The following ITGAL variants were observed in gnomAD, a reference collection of about 807,000 sequenced individuals.
ITGAL encodes the protein integrin alpha-L.
ITGAL carries 68 observed loss-of-function variants against 138.4 expected under a neutral mutation model. That is an observed-to-expected ratio of 0.49 (90% confidence interval 0.40 to 0.60). ITGAL has a LOEUF of 0.60. Among genes scored for constraint, ITGAL ranks in the 20% least tolerant of loss-of-function variants. The probability of loss-of-function intolerance (pLI) is 0.00; values close to 1 mark genes in which losing one functional copy is unlikely to be tolerated. For synonymous variants in ITGAL, 561 were observed against 584.3 expected (o/e 0.96, Z 0.57); for missense variants, 1,256 against 1,478.6 (o/e 0.85, Z 2.47).
chr16:30,503,049 A>G (rs937170893), intron 17 of ITGAL, among the ~76,000 whole-genome samples: 1 of 152,010 alleles, frequency 6.6e-6, no homozygotes, highest in African/African-American at 2.4e-5. Context: ...TCCTGACCTC[A>G]GGTGATCCAC....
chr16:30,481,261 G>A (rs1280314098), intron 6 of ITGAL, 178 bp from the exon 7 acceptor site: 21 of 528,232 alleles, frequency 4.0e-5, no homozygotes, highest in East Asian at 3.1e-4. Context: ...CATGAAAATC[G>A]CTGGAACCCG....
At chr16:30,514,186 C>G (rs1304765858) in intron 25 of ITGAL, among the ~76,000 whole-genome samples, 1 of 152,188 alleles carries the variant, frequency 6.6e-6, no homozygotes, top group Non-Finnish European at 1.5e-5. Flanking sequence ...TCTCGGCTCA[C>G]TGCAAACTCT....
intron 9 of ITGAL, among the ~76,000 whole-genome samples, chr16:30,485,598 C>T (rs1324144900): frequency 1.3e-5 from 2 of 151,954 alleles, no homozygotes; most frequent in African/African-American, 2.4e-5. Context: ...GATCACAGCT[C>T]ACTGCAGCCT....
At chr16:30,474,834 CG>C (rs1246937585) in intron 2 of ITGAL, among the ~76,000 whole-genome samples, 2 of 148,582 alleles carry the variant, frequency 1.3e-5, no homozygotes, top group Non-Finnish European at 3.0e-5. Context: ...GAGATGAGGA[CG>C]GAGGCATCTT....
At position 30,517,905 on chromosome 16, in the gene ITGAL, G is replaced by C. The variant is rs369559910; in HGVS notation, c.3132+10G>C. On this transcript the variant is annotated intron_variant, in intron 28 of 30. Transcript: ENST00000356798. ...GGTGGGAGAGATCGAGGTAGTCCCC[G>C]CTCCTAAGAGATGTGGAGCTGCTGT... 1.9e-6 allele frequency: 3 copies of C among 1,612,028 alleles called. No individual in the cohort carries two copies. Among genetic ancestry groups the C allele is most frequent in the Non-Finnish European group, 2.5e-6 (3 of 1,178,808 alleles).
Position 30,494,580 on chromosome 16 carries a change from T to C in ITGAL, c.1366-133T>C. ...AGAGCCCACCTTGTCTTAACGCACA[T>C]AGACTAGGGGTGGATCCAAGATTGG... On this transcript the variant is annotated intron_variant, in intron 12 of 30. Coordinates refer to ENST00000356798, the MANE Select transcript of ITGAL (RefSeq NM_002209.3). This position sits in a 1 kb window ranked among gnomAD's most constrained non-coding sequence, Gnocchi z 4.2. 1 of 1,208,170 alleles carries C rather than the reference T, an allele frequency of 8.3e-7. No homozygotes were observed. Among genetic ancestry groups the C allele is most frequent in the Admixed American group, 2.8e-5 (1 of 35,148 alleles). 74.8% of individuals were successfully genotyped at this position (1,208,170 alleles called of 1,614,324 possible). A position where few individuals can be genotyped will look rare whatever the true frequency, so the allele number is the denominator to read the frequency against.
chr16:30,499,824 T>G (rs2050867391), intron 17 of ITGAL, among the ~76,000 whole-genome samples: 1 of 145,386 alleles, frequency 6.9e-6, no homozygotes. Context: ...TCTCGGCTCA[T>G]GGCCACCTCC....
intron 9 of ITGAL, chr16:30,488,816 G>A: frequency 2.2e-6 from 1 of 458,364 alleles, no homozygotes; most frequent in East Asian, 4.5e-5. Context: ...GGTTGAGGCT[G>A]CAGTGAGCTG....
intron 4 of ITGAL, among the ~76,000 whole-genome samples, chr16:30,476,947 T>C (rs559355896): frequency 3.3e-5 from 5 of 152,244 alleles, no homozygotes; most frequent in African/African-American, 1.2e-4. Flanking sequence ...TTATTTCTTT[T>C]AAACCCTCAA....
At position 30,521,498 on chromosome 16, in the gene ITGAL, T is replaced by C. The variant is rs202193791; in HGVS notation, c.3346T>C (p.Phe1116Leu). 6.2e-7 allele frequency: 1 copy of C among 1,613,902 alleles called. No individual in the cohort carries two copies. The change falls in exon 31 of 31, where the codon TTC becomes CTC. Residue 1116 changes from phenylalanine to leucine, a missense_variant. Around this residue, in one of 3 missense-constraint regions of ITGAL, gnomAD observed 867 missense variants for 972.5 expected, o/e 0.89. Coordinates refer to ENST00000356798, the MANE Select transcript of ITGAL (RefSeq NM_002209.3). ...AAATTTTGTCTTTGTACAGGTTGGT[T>C]TCTTCAAACGGAACCTGAAGGAGAA... ...LIFIVLYKVG[F>L]FKRNLKEKME...
intron 24 of ITGAL, among the ~76,000 whole-genome samples, chr16:30,512,017 T>C (rs1164956072): frequency 1.3e-5 from 2 of 152,210 alleles, no homozygotes; most frequent in African/African-American, 4.8e-5. Flanking sequence ...CCAGAGAGGA[T>C]ACAAGGAGGT....
In ITGAL at chr16:30,472,827, G is replaced by A. The variant is rs2050413409; in HGVS notation, c.-11G>A. On this transcript the variant is annotated 5_prime_UTR_variant, in exon 1 of 31. In the 5' UTR this introduces an upstream ATG that the reference lacks. Coordinates refer to ENST00000356798, the MANE Select transcript of ITGAL (RefSeq NM_002209.3). ...GCCCCTGGGGCCACAGGTCCCTCGA[G>A]TGCTGGAAGGATGAAGGATTCCTGC... 3 of 1,612,024 alleles carry A rather than the reference G, an allele frequency of 1.9e-6. No homozygotes were observed. The highest frequency in any genetic ancestry group is 2.5e-6 in the Non-Finnish European group (3 of 1,179,482).
intron 24 of ITGAL, among the ~76,000 whole-genome samples, chr16:30,512,583 T>C (rs1253477187): frequency 6.8e-6 from 1 of 147,772 alleles, no homozygotes; most frequent in African/African-American, 2.5e-5. Flanking sequence ...TGAGACCCTG[T>C]GTGAAAAAAA....
chr16:30,518,989 C>A (rs941037007), intron 29 of ITGAL, among the ~76,000 whole-genome samples: 5 of 152,262 alleles, frequency 3.3e-5, no homozygotes, highest in Admixed American at 2.6e-4. Context: ...TTTGGGAGGT[C>A]AAGGTAGGCA....
At chr16:30,491,475 T>C (rs2050723282) in intron 11 of ITGAL, among the ~76,000 whole-genome samples, 1 of 152,134 alleles carries the variant, frequency 6.6e-6, no homozygotes, top group African/African-American at 2.4e-5. Flanking sequence ...CATAAATATA[T>C]ACATATATGT....
At chr16:30,503,779 A>C (rs1206355524) in intron 17 of ITGAL, 1 of 156,460 alleles carries the variant, frequency 6.4e-6, no homozygotes. Context: ...CATTGGTAAT[A>C]GCAAATGACT....
At chr16:30,503,002 A>G (rs534730184) in intron 17 of ITGAL, among the ~76,000 whole-genome samples, 2 of 151,942 alleles carry the variant, frequency 1.3e-5, no homozygotes, top group South Asian at 4.1e-4. Context: ...TGTGATAGAG[A>G]TGGGTTTTCA....
intron 27 of ITGAL, 45 bp downstream of exon 27, chr16:30,517,750 G>A (rs751284034): frequency 2.4e-5 from 38 of 1,612,456 alleles, no homozygotes; most frequent in East Asian, 4.5e-5. Flanking sequence ...GGCGGTACAC[G>A]GGTCGGAATG....
intron 6 of ITGAL, chr16:30,481,144 AC>A (rs2050550179): frequency 1.8e-3 from 8 of 4,462 alleles, no homozygotes; most frequent in South Asian, 0.01. Flanking sequence ...TCTACTAAAA[AC>A]ACACACACAC....
Sources: gnomAD v4.1 joint callset for allele counts (sites outside exome capture counted in the v4.1 genomes callset) on GRCh38, gnomAD v4.1.1 for gene constraint, gnomAD v4.1.1 regional missense constraint, Gnocchi (gnomAD v3.1) non-coding constraint, MANE v1.5 for transcripts, NCBI Gene and HGNC (gene_info 2026-07-23, HGNC 2026-07-21) for gene names.